The following FSTL5 variants were observed in gnomAD, a reference collection of about 807,000 sequenced individuals.
FSTL5 encodes follistatin-related protein 5.
Under a neutral mutation model 89.1 loss-of-function variants are expected in FSTL5, and 62 were observed. The ratio of observed to expected loss-of-function variants is 0.70; its 90% CI spans 0.57 to 0.86. FSTL5 has a LOEUF of 0.86. Ranked by LOEUF, FSTL5 falls within the 40% of genes least tolerant of loss-of-function variation. The probability of loss-of-function intolerance (pLI) is 0.00; values close to 1 mark genes in which losing one functional copy is unlikely to be tolerated. For synonymous variants in FSTL5, 383 were observed against 346.2 expected (o/e 1.11, Z -1.18); for missense variants, 1,057 against 1,001.6 (o/e 1.06, Z -0.75).
In FSTL5 at chr4:161,881,102, C is replaced by T. The variant is rs144533615; in HGVS notation, c.409+39302G>A. 2.8e-3 allele frequency among the ~76,000 whole-genome samples: 426 copies of T among 151,194 alleles called. 3 individuals carry two copies. The highest frequency in any genetic ancestry group is 3.3e-3 in the Non-Finnish European group (223 of 67,702). ...TAATAATTTGTGATATTTTGATTAA[C>T]AAAACTTTATTCCAAAAAATTTGAT... On this transcript the variant is annotated intron_variant, in intron 4 of 15. Transcript: ENST00000306100.
At position 161,584,275 on chromosome 4, in the gene FSTL5, G is replaced by C. The variant is rs1578945321; in HGVS notation, c.1015+3180C>G. ...GAAGAAACTTTACGTAATGCAAAAA[G>C]GACGTCCTCATGCTCCTACACTGTG... On this transcript the variant is annotated intron_variant, in intron 8 of 15. Coordinates refer to ENST00000306100, the MANE Select transcript of FSTL5 (RefSeq NM_020116.5). Among the ~76,000 whole-genome samples the C allele has an allele frequency of 5.3e-5, 8 of 152,212 alleles. No individual in the cohort carries two copies. The South Asian group carries it at 1.7e-3, about 32-fold the overall frequency.
chr4:161,627,131 C>T (rs1735340769), intron 7 of FSTL5, among the ~76,000 whole-genome samples: 1 of 152,144 alleles, frequency 6.6e-6, no homozygotes, highest in Admixed American at 6.5e-5. Context: ...GTGTAAAACA[C>T]TATGAAAAGT....
chr4:161,469,488 T>A (rs978606240), intron 13 of FSTL5, among the ~76,000 whole-genome samples: 5 of 152,142 alleles, frequency 3.3e-5, no homozygotes, highest in African/African-American at 1.2e-4. Flanking sequence ...ATAGTAGCCA[T>A]CCTAATGGGT....
At chr4:162,016,621 C>G (rs1057018547) in intron 3 of FSTL5, among the ~76,000 whole-genome samples, 5 of 152,176 alleles carry the variant, frequency 3.3e-5, no homozygotes, top group African/African-American at 9.6e-5. Context: ...GGGATTTAGT[C>G]TTCTTATTAA....
At chr4:161,601,902 G>T (rs1046778702) in intron 7 of FSTL5, among the ~76,000 whole-genome samples, 1 of 151,744 alleles carries the variant, frequency 6.6e-6, no homozygotes, top group Non-Finnish European at 1.5e-5. Context: ...CACAGAATAT[G>T]TACATTTCAA....
At chr4:161,930,968 C>A (rs954129906) in intron 3 of FSTL5, among the ~76,000 whole-genome samples, 6 of 151,742 alleles carry the variant, frequency 4.0e-5, no homozygotes, top group Non-Finnish European at 5.9e-5. Flanking sequence ...AAGTATTATA[C>A]CACTATGATA....
intron 6 of FSTL5, among the ~76,000 whole-genome samples, chr4:161,690,399 A>G (rs1737890419): frequency 6.6e-6 from 1 of 152,092 alleles, no homozygotes; most frequent in Non-Finnish European, 1.5e-5. Flanking sequence ...TTGAACTTTA[A>G]TAGCAAATAA....
intron 6 of FSTL5, among the ~76,000 whole-genome samples, chr4:161,713,623 CA>C (rs1431268497): frequency 6.6e-6 from 1 of 152,048 alleles, no homozygotes; most frequent in Non-Finnish European, 1.5e-5. Context: ...ACAATAATGA[CA>C]AAAAAGTTAT....
At chr4:161,830,483 AC>A (rs1394791065) in intron 4 of FSTL5, among the ~76,000 whole-genome samples, 4 of 152,010 alleles carry the variant, frequency 2.6e-5, no homozygotes, top group African/African-American at 9.7e-5. Flanking sequence ...TTGCAGGCAT[AC>A]TTTTTATTGA....
At chr4:162,058,699 G>C (rs926100964) in intron 2 of FSTL5, among the ~76,000 whole-genome samples, 2 of 152,016 alleles carry the variant, frequency 1.3e-5, no homozygotes, top group African/African-American at 4.8e-5. Flanking sequence ...AAAGTGTTAG[G>C]ATTACAGGTG....
chr4:161,861,901 G>A (rs768775353), intron 4 of FSTL5, among the ~76,000 whole-genome samples: 4 of 152,128 alleles, frequency 2.6e-5, no homozygotes, highest in Non-Finnish European at 4.4e-5. Context: ...TGCAAATTTA[G>A]TTCATTCCAT....
intron 4 of FSTL5, among the ~76,000 whole-genome samples, chr4:161,869,843 T>C (rs1431228058): frequency 6.6e-6 from 1 of 152,212 alleles, no homozygotes; most frequent in African/African-American, 2.4e-5. Flanking sequence ...GTGTCTTACA[T>C]TGATATAATT....
At chr4:161,521,552 T>C (rs1183207662) in intron 10 of FSTL5, among the ~76,000 whole-genome samples, 1 of 151,994 alleles carries the variant, frequency 6.6e-6, no homozygotes, top group African/African-American at 2.4e-5. Context: ...TAAGCCTGGT[T>C]AAAGAAAAAC....
chr4:161,926,247 T>C (rs1296391437), intron 3 of FSTL5, among the ~76,000 whole-genome samples: 1 of 151,844 alleles, frequency 6.6e-6, no homozygotes, highest in African/African-American at 2.4e-5. Flanking sequence ...GACTAAAAGT[T>C]TGCCCAGTGT....
chr4:161,459,103 T>A (rs576905019), intron 14 of FSTL5, 109 bp downstream of exon 14: 1 of 751,334 alleles, frequency 1.3e-6, no homozygotes, highest in African/African-American at 1.7e-5. Context: ...TGATTAAAGC[T>A]GTAGTCCTCA....
rs543307418 is a variant in FSTL5, at chr4:161,892,198, T to G, written c.409+28206A>C. On this transcript the variant is annotated intron_variant, in intron 4 of 15. Transcript: ENST00000306100. ...CTTTGAACAACTATCAGCTTCAACC[T>G]CCATACGACAATAAATAACTTGCTT... Among the ~76,000 whole-genome samples, 20 of 152,146 alleles carry G rather than the reference T, an allele frequency of 1.3e-4. No individual in the cohort carries two copies. In the South Asian group the frequency reaches 3.9e-3, roughly 30 times the overall value.
chr4:162,126,277 A>T (rs2111446106), intron 1 of FSTL5, among the ~76,000 whole-genome samples: 1 of 152,148 alleles, frequency 6.6e-6, no homozygotes, highest in Admixed American at 6.5e-5. Context: ...GTATCTTAAA[A>T]TTTTTGACTA....
chr4:161,476,173 G>GTTTTTTTTTTTTTTTTTTTTTTT (rs1231231673), intron 13 of FSTL5, among the ~76,000 whole-genome samples: 50 of 80,478 alleles, frequency 6.2e-4, no homozygotes, highest in East Asian at 9.4e-4. Context: ...AAGTTTGCTG[G>GTTTTTTTTTTTTTTTTTTTTTTT]TTTTTTTTTT....
chr4:161,729,125 A>G lies in FSTL5; in HGVS notation c.727+30286T>C, dbSNP rs551538421. Among the ~76,000 whole-genome samples the G allele has an allele frequency of 1.6e-4, 24 of 152,240 alleles. 1 individual carries two copies. In the South Asian group the frequency reaches 5.0e-3, roughly 32 times the overall value. On this transcript the variant is annotated intron_variant, in intron 6 of 15. Coordinates refer to ENST00000306100, the MANE Select transcript of FSTL5 (RefSeq NM_020116.5). Reference sequence around the variant, plus strand: ...AACTCAAAGGGCAGCATATGTATTCACTTGTTATTTCCTGTGGTTTTACTT... The same window carrying G: ...AACTCAAAGGGCAGCATATGTATTCGCTTGTTATTTCCTGTGGTTTTACTT...
Sources: gnomAD v4.1 joint callset for allele counts (sites outside exome capture counted in the v4.1 genomes callset) on GRCh38, gnomAD v4.1.1 for gene constraint, MANE v1.5 for transcripts, NCBI Gene and HGNC (gene_info 2026-07-23, HGNC 2026-07-21) for gene names.